Variants in PIK3C2G observed in about 807,000 individuals in gnomAD.
PIK3C2G encodes the protein phosphatidylinositol 3-kinase C2 domain-containing subunit gamma.
Under a neutral mutation model 181.1 loss-of-function variants are expected in PIK3C2G, and 168 were observed. That is an observed-to-expected ratio of 0.93 (90% CI 0.82 to 1.05). PIK3C2G has a LOEUF of 1.05. Ranked by LOEUF, PIK3C2G falls within the 50% of genes least tolerant of loss-of-function variation. PIK3C2G has a pLI of 0.00. For synonymous variants in PIK3C2G, 573 were observed against 592.2 expected, an observed-to-expected ratio of 0.97 and a Z score of 0.47; for missense variants, 1,869 against 1,732.8, an observed-to-expected ratio of 1.08 and a Z score of -1.40.
intron 31 of PIK3C2G, among the ~76,000 whole-genome samples, chr12:18,633,995 T>C (rs145330373): frequency 7.9e-4 from 120 of 152,274 alleles, no homozygotes; most frequent in Non-Finnish European, 1.3e-3. Flanking sequence ...GAATCTTGGC[T>C]ATCAGAGAAA....
intron 8 of PIK3C2G, among the ~76,000 whole-genome samples, chr12:18,336,368 G>A (rs1938533451): frequency 6.6e-6 from 1 of 152,116 alleles, no homozygotes; most frequent in African/African-American, 2.4e-5. Context: ...TATTGTCTAT[G>A]ATGTTCTTCT....
chr12:18,391,225 G>A lies in PIK3C2G; in HGVS notation c.2099G>A (p.Arg700Lys). 3 of 1,596,794 alleles carry A rather than the reference G, an allele frequency of 1.9e-6. No individual in the cohort carries two copies. Among genetic ancestry groups the A allele is most frequent in the Non-Finnish European group, 2.6e-6 (3 of 1,171,976 alleles). ...PLKECIKHIARLSQKQTPLLL... is the reference protein window; with the variant it reads ...PLKECIKHIAKLSQKQTPLLL... ...AAGGAGTGTATAAAACATATTGCCA[G>A]ACTTTCACAGAAACAGACTCCCCTA... Residue 700 changes from arginine to lysine, a missense_variant, in exon 15 of 33, where the codon AGA becomes AAA. Arg to Lys is a conservative substitution (Grantham distance 26). Coordinates refer to ENST00000538779, the MANE Select transcript of PIK3C2G (RefSeq NM_001288772.2).
At chr12:18,399,011 C>T (rs951549237) in intron 15 of PIK3C2G, among the ~76,000 whole-genome samples, 4 of 150,978 alleles carry the variant, frequency 2.6e-5, no homozygotes, top group African/African-American at 9.8e-5. Context: ...CCGGCTAAAA[C>T]GGTGAAACCC....
At chr12:18,421,401 T>C (rs1169878613) in intron 17 of PIK3C2G, among the ~76,000 whole-genome samples, 2 of 152,044 alleles carry the variant, frequency 1.3e-5, no homozygotes, top group Non-Finnish European at 2.9e-5. Context: ...TATGAGTTTC[T>C]TGCACTTCTT....
intron 24 of PIK3C2G, among the ~76,000 whole-genome samples, chr12:18,521,475 C>A (rs971603311): frequency 2.6e-5 from 4 of 152,198 alleles, no homozygotes. Flanking sequence ...TACAGGGAGG[C>A]CCTGCCCAGT....
At chr12:18,641,357 T>G (rs565913974) in intron 32 of PIK3C2G, among the ~76,000 whole-genome samples, 1 of 152,132 alleles carries the variant, frequency 6.6e-6, no homozygotes, top group Non-Finnish European at 1.5e-5. Flanking sequence ...TCAAGGGGCA[T>G]CAATAGACTC....
chr12:18,268,449 C>A (rs1948603251), intron 1 of PIK3C2G, among the ~76,000 whole-genome samples: 1 of 151,978 alleles, frequency 6.6e-6, no homozygotes, highest in African/African-American at 2.4e-5. Context: ...TTTCCCGAAA[C>A]CACAGTCTAT....
intron 12 of PIK3C2G, among the ~76,000 whole-genome samples, chr12:18,370,532 G>A (rs1159688344): frequency 6.6e-6 from 1 of 152,082 alleles, no homozygotes; most frequent in Non-Finnish European, 1.5e-5. Flanking sequence ...TCTACACTTT[G>A]GCTGTTATCT....
chr12:18,684,534 T>G, the PIK3C2G span, among the ~76,000 whole-genome samples: 1 of 151,956 alleles, frequency 6.6e-6, no homozygotes, highest in African/African-American at 2.4e-5. Context: ...CAGGGTGGGA[T>G]GGGAAAACTG....
At chr12:18,493,529 T>C (rs766347597) in intron 20 of PIK3C2G, 5 of 152,436 alleles carry the variant, frequency 3.3e-5, no homozygotes, top group Admixed American at 2.0e-4. Context: ...TGGGAAGATA[T>C]TCAGTTATAG....
At chr12:18,389,957 A>T (rs2138040724) in intron 14 of PIK3C2G, among the ~76,000 whole-genome samples, 1 of 152,318 alleles carries the variant, frequency 6.6e-6, no homozygotes, top group East Asian at 1.9e-4. Flanking sequence ...TGTCCATATA[A>T]AGAGTAGCAT....
At chr12:18,548,389 T>C (rs1944548647) in intron 26 of PIK3C2G, among the ~76,000 whole-genome samples, 1 of 152,032 alleles carries the variant, frequency 6.6e-6, no homozygotes, top group Admixed American at 6.6e-5. Flanking sequence ...GCCATATATG[T>C]ATTTGGATGA....
At chr12:18,384,053 C>A (rs1312011750) in intron 14 of PIK3C2G, among the ~76,000 whole-genome samples, 1 of 151,200 alleles carries the variant, frequency 6.6e-6, no homozygotes, top group Non-Finnish European at 1.5e-5. Flanking sequence ...AACTCCTGAC[C>A]TCAAGCAATC....
intron 13 of PIK3C2G, among the ~76,000 whole-genome samples, chr12:18,374,047 G>A (rs561632745): frequency 6.6e-6 from 1 of 152,194 alleles, no homozygotes; most frequent in Admixed American, 6.5e-5. Context: ...TAGTATGGTA[G>A]TTACTTAGCA....
chr12:18,504,299 T>C (rs1485694703), intron 23 of PIK3C2G, among the ~76,000 whole-genome samples: 2 of 152,198 alleles, frequency 1.3e-5, no homozygotes, highest in Non-Finnish European at 2.9e-5. Context: ...TAGATAAAAT[T>C]ACCTTGAAGT....
rs773003063 is a variant in PIK3C2G, at chr12:18,648,059, A to T, written c.*31A>T. The T allele has an allele frequency of 9.2e-6, 13 of 1,414,202 alleles. No homozygotes were observed. Among genetic ancestry groups the T allele is most frequent in the East Asian group, 5.0e-5 (2 of 39,636 alleles). 87.6% of individuals were successfully genotyped at this position (1,414,202 alleles called of 1,614,324 possible). On this transcript the variant is annotated 3_prime_UTR_variant, in exon 33 of 33. Transcript: ENST00000538779. The stretch of plus-strand genomic sequence containing the variant: ...GCTATGAACATATGCATTATTCATT[A>T]ACTACTTGTATTTTTTTCACTTCTG...
At chr12:18,442,390 T>C (rs1946791876) in intron 18 of PIK3C2G, among the ~76,000 whole-genome samples, 1 of 147,008 alleles carries the variant, frequency 6.8e-6, no homozygotes. Context: ...AAAATATAAA[T>C]AAGCAATCAA....
At chr12:18,320,824 T>G in intron 6 of PIK3C2G, 138 bp from the exon 7 acceptor site, 1 of 596,414 alleles carries the variant, frequency 1.7e-6, no homozygotes, top group Non-Finnish European at 3.0e-6. Flanking sequence ...TTAAGGTCTT[T>G]CAGACAGAAT....
At chr12:18,364,351 C>T (rs1941486314) in intron 12 of PIK3C2G, among the ~76,000 whole-genome samples, 1 of 152,196 alleles carries the variant, frequency 6.6e-6, no homozygotes, top group Non-Finnish European at 1.5e-5. Context: ...GCATCTTTTA[C>T]CTCCTGTATA....
Sources: allele counts gnomAD v4.1 joint callset (sites outside exome capture counted in the v4.1 genomes callset), GRCh38; gene constraint gnomAD v4.1.1; transcripts MANE v1.5; gene names NCBI Gene and HGNC (gene_info 2026-07-23, HGNC 2026-07-21).